The following ADAMTSL3 variants were observed in gnomAD, a reference collection of about 807,000 sequenced individuals.
ADAMTSL3 encodes ADAMTS-like protein 3.
ADAMTSL3 carries 128 observed loss-of-function variants against 201.7 expected under a neutral mutation model. The observed-to-expected ratio is 0.63, with a 90% CI of 0.55 to 0.73. The LOEUF is 0.73. Among genes scored for constraint, ADAMTSL3 ranks in the 30% least tolerant of loss-of-function variants. The pLI is 0.00. For synonymous variants in ADAMTSL3, 738 were observed against 748.4 expected (o/e 0.99, Z 0.23); for missense variants, 1,990 against 2,119.6 (o/e 0.94, Z 1.20).
intron 15 of ADAMTSL3, among the ~76,000 whole-genome samples, chr15:83,907,110 A>G (rs1438116553): frequency 7.8e-6 from 1 of 128,766 alleles, no homozygotes; most frequent in African/African-American, 3.2e-5. Context: ...AAAAAAAAAA[A>G]AAAAAAGAGA....
chr15:83,706,715 A>T (rs1019059152), intron 3 of ADAMTSL3, among the ~76,000 whole-genome samples: 1 of 151,276 alleles, frequency 6.6e-6, no homozygotes, highest in Non-Finnish European at 1.5e-5. Flanking sequence ...ATCACAGCTC[A>T]CTGCAGCCTC....
At chr15:83,833,225 G>A (rs935067398) in intron 6 of ADAMTSL3, among the ~76,000 whole-genome samples, 1 of 152,098 alleles carries the variant, frequency 6.6e-6, no homozygotes, top group Non-Finnish European at 1.5e-5. Flanking sequence ...ACCATAGATT[G>A]GGTGGCATAT....
At chr15:83,969,510 G>A (rs1163611276) in intron 19 of ADAMTSL3, among the ~76,000 whole-genome samples, 5 of 152,080 alleles carry the variant, frequency 3.3e-5, no homozygotes, top group Admixed American at 2.6e-4. Context: ...AGAAAATATG[G>A]TACTGTATAT....
chr15:83,771,311 T>A (rs2062980339), intron 3 of ADAMTSL3, among the ~76,000 whole-genome samples: 1 of 152,190 alleles, frequency 6.6e-6, no homozygotes. Context: ...ACATGAGATC[T>A]ACCCTTTTAA....
At position 83,655,833 on chromosome 15, in the gene ADAMTSL3, A is replaced by G. The variant is rs1358232799; in HGVS notation, c.69+3A>G. On this transcript the variant is annotated splice_donor_region_variant and intron_variant, in intron 2 of 29. Coordinates refer to ENST00000286744, the MANE Select transcript of ADAMTSL3 (RefSeq NM_207517.3). ...TCATGCACTCTCCCCTCCCGCAGGT[A>G]AGGTCATATAGGGAGGGGAAGGGAA... The G allele has an allele frequency of 6.2e-7, 1 of 1,613,558 alleles. No individual in the cohort carries two copies. Among genetic ancestry groups the G allele is most frequent in the African/African-American group, 1.3e-5 (1 of 74,888 alleles).
rs777879061 is a variant in ADAMTSL3 at position 83,890,196 on chromosome 15, T to TAAAACC, written c.1172_1177dup (p.Pro391_Lys392dup). The stretch of plus-strand genomic sequence containing the variant: ...TATTGTCACTACTACCCTGAAAATG[T>TAAAACC]AAAACCAAAACCAAAACTGAAGGAA... On this transcript the variant is annotated inframe_insertion, in exon 11 of 30. Coordinates refer to ENST00000286744, the MANE Select transcript of ADAMTSL3 (RefSeq NM_207517.3). 5.0e-6 allele frequency: 8 copies of TAAAACC among 1,614,066 alleles called. No individual in the cohort carries two copies. Among genetic ancestry groups the TAAAACC allele is most frequent in the Admixed American group, 1.7e-5 (1 of 60,012 alleles).
intron 5 of ADAMTSL3, 130 bp from the exon 6 acceptor site, chr15:83,819,681 A>T: frequency 1.6e-6 from 1 of 610,798 alleles, no homozygotes; most frequent in Non-Finnish European, 2.8e-6. Context: ...AAAAAAAAAG[A>T]GGGAATTAGG....
chr15:83,831,285 T>TG (rs1384512562), intron 6 of ADAMTSL3, among the ~76,000 whole-genome samples: 7 of 152,158 alleles, frequency 4.6e-5, no homozygotes, highest in Admixed American at 2.6e-4. Context: ...TGTCTTTTTT[T>TG]GGGGGGAGTG....
chr15:84,010,787 C>T (rs1310104658), intron 23 of ADAMTSL3, among the ~76,000 whole-genome samples: 2 of 152,194 alleles, frequency 1.3e-5, no homozygotes, highest in East Asian at 3.9e-4. Context: ...ATAGGTGATC[C>T]AGGTAATACA....
At chr15:83,838,494 A>C (rs1483578467) in intron 7 of ADAMTSL3, among the ~76,000 whole-genome samples, 3 of 152,222 alleles carry the variant, frequency 2.0e-5, no homozygotes, top group Admixed American at 2.0e-4. Context: ...ATGAAATAGT[A>C]ATTTCTTTTA....
chr15:83,711,545 A>G (rs1317307563), intron 3 of ADAMTSL3, among the ~76,000 whole-genome samples: 1 of 152,206 alleles, frequency 6.6e-6, no homozygotes, highest in African/African-American at 2.4e-5. Flanking sequence ...TCTCGGTCAA[A>G]TGTAGTTATG....
At chr15:83,970,420 CTGT>C (rs2067173520) in intron 19 of ADAMTSL3, 61 bp from the exon 20 acceptor site, 1 of 1,591,078 alleles carries the variant, frequency 6.3e-7, no homozygotes, top group Non-Finnish European at 8.6e-7. Context: ...GGAGACTTTG[CTGT>C]TGTTGGCTGG....
chr15:83,692,685 CAAAAAAAAAAAAA>C (rs766382952), intron 2 of ADAMTSL3, among the ~76,000 whole-genome samples: 1 of 43,316 alleles, frequency 2.3e-5, no homozygotes, highest in African/African-American at 8.4e-5. Flanking sequence ...GACTCCATCT[CAAAAAAAAAAAAA>C]AAAAAAAAAG....
At chr15:83,813,373 A>G (rs2063726559) in intron 5 of ADAMTSL3, among the ~76,000 whole-genome samples, 1 of 152,224 alleles carries the variant, frequency 6.6e-6, no homozygotes, top group Admixed American at 6.5e-5. Context: ...AGACTCTGAC[A>G]GTTGCATTTC....
chr15:83,805,047 C>T (rs2063581341), intron 5 of ADAMTSL3, among the ~76,000 whole-genome samples: 1 of 152,074 alleles, frequency 6.6e-6, no homozygotes, highest in Non-Finnish European at 1.5e-5. Flanking sequence ...TTCTCTTTTG[C>T]GAGTGAGAGG....
At chr15:83,777,969 A>C (rs1202514939) in intron 4 of ADAMTSL3, among the ~76,000 whole-genome samples, 1 of 152,248 alleles carries the variant, frequency 6.6e-6, no homozygotes, top group Non-Finnish European at 1.5e-5. Context: ...GAATTTCGTA[A>C]TGCAATCACA....
At chr15:83,789,534 T>C (rs2063313178) in intron 4 of ADAMTSL3, among the ~76,000 whole-genome samples, 1 of 152,152 alleles carries the variant, frequency 6.6e-6, no homozygotes, top group South Asian at 2.1e-4. Context: ...GCTATGAGCT[T>C]AACTGGAGGG....
chr15:83,693,890 G>A (rs553570318), intron 2 of ADAMTSL3, among the ~76,000 whole-genome samples: 7 of 152,176 alleles, frequency 4.6e-5, no homozygotes, highest in Non-Finnish European at 1.0e-4. Context: ...TGAACCCCAA[G>A]AATTAACCTA....
intron 8 of ADAMTSL3, among the ~76,000 whole-genome samples, chr15:83,863,940 G>T (rs1001690314): frequency 6.6e-6 from 1 of 152,100 alleles, no homozygotes; most frequent in Non-Finnish European, 1.5e-5. Flanking sequence ...TATCACCACC[G>T]ATCCCACAGA....
Sources: gnomAD v4.1 joint callset for allele counts (sites outside exome capture counted in the v4.1 genomes callset) on GRCh38, gnomAD v4.1.1 for gene constraint, MANE v1.5 for transcripts, NCBI Gene and HGNC (gene_info 2026-07-23, HGNC 2026-07-21) for gene names.